STX8: variants seen among roughly 807,000 people sequenced by gnomAD.
STX8 encodes the protein syntaxin 8, also known as syntaxin-8.
STX8 carries 23 observed loss-of-function variants against 37.5 expected under a neutral mutation model. The observed-to-expected ratio is 0.61, with a 90% CI of 0.44 to 0.87. The LOEUF (loss-of-function observed/expected upper bound fraction) is 0.87. Ranked by LOEUF, STX8 falls within the 40% of genes least tolerant of loss-of-function variation. The pLI, the probability that STX8 is intolerant of heterozygous loss-of-function variation, is 0.00. For missense variants in STX8, 313 were observed against 284.7 expected (o/e 1.10, Z -0.71); for synonymous variants, 115 against 99.1 (o/e 1.16, Z -0.95).
intron 5 of STX8, among the ~76,000 whole-genome samples, chr17:9,499,021 C>T (rs1443477855): frequency 6.6e-6 from 1 of 152,202 alleles, no homozygotes; most frequent in Non-Finnish European, 1.5e-5. Context: ...TGAAGGGGCA[C>T]AGAAGCCAAA....
chr17:9,416,020 AC>A (rs1469986144), intron 6 of STX8, among the ~76,000 whole-genome samples: 1 of 151,860 alleles, frequency 6.6e-6, no homozygotes, highest in Non-Finnish European at 1.5e-5. Flanking sequence ...TTTATAATGA[AC>A]CCCACTTGGG....
intron 4 of STX8, among the ~76,000 whole-genome samples, chr17:9,542,549 C>T (rs1230790374): frequency 6.4e-5 from 9 of 139,732 alleles, no homozygotes; most frequent in African/African-American, 1.3e-4. Context: ...TGGTGGCGGG[C>T]GCCTGTAGTC....
At chr17:9,253,126 G>A (rs1043954640) in intron 7 of STX8, among the ~76,000 whole-genome samples, 4 of 151,928 alleles carry the variant, frequency 2.6e-5, no homozygotes, top group Admixed American at 2.6e-4. Flanking sequence ...ATTCAGCCCT[G>A]CATTAACATT....
intron 3 of STX8, among the ~76,000 whole-genome samples, chr17:9,551,832 C>T (rs1255653926): frequency 2.0e-5 from 3 of 151,758 alleles, no homozygotes; most frequent in South Asian, 2.1e-4. Flanking sequence ...GTTGTTCCCA[C>T]GATACCAATG....
At chr17:9,308,593 T>C (rs998407288) in intron 7 of STX8, among the ~76,000 whole-genome samples, 1 of 151,856 alleles carries the variant, frequency 6.6e-6, no homozygotes, top group Non-Finnish European at 1.5e-5. Context: ...CATGGTGGCG[T>C]ACGCCTGTAG....
intron 6 of STX8, among the ~76,000 whole-genome samples, chr17:9,464,062 A>G (rs1474505671): frequency 1.3e-5 from 2 of 152,202 alleles, no homozygotes; most frequent in Non-Finnish European, 2.9e-5. Flanking sequence ...GTAACAGAGC[A>G]AGACTGTCTC....
chr17:9,327,295 G>GA (rs763461230), intron 7 of STX8, among the ~76,000 whole-genome samples: 45 of 149,930 alleles, frequency 3.0e-4, no homozygotes, highest in Non-Finnish European at 5.2e-4. Flanking sequence ...GAAAGAAGAA[G>GA]AAGAAAGAAA....
chr17:9,478,325 G>A (rs1378156741), intron 6 of STX8, among the ~76,000 whole-genome samples: 9 of 152,042 alleles, frequency 5.9e-5, no homozygotes, highest in Non-Finnish European at 7.4e-5. Flanking sequence ...TAGTAGAGAC[G>A]GGGTTTCGCC....
chr17:9,546,612 TTTTG>T, intron 3 of STX8, among the ~76,000 whole-genome samples: 1 of 142,968 alleles, frequency 7.0e-6, no homozygotes, highest in African/African-American at 2.6e-5. Context: ...TTTTTTTTTT[TTTTG>T]GAGACGGAGC....
At chr17:9,412,982 G>C (rs1269880936) in intron 6 of STX8, among the ~76,000 whole-genome samples, 2 of 152,188 alleles carry the variant, frequency 1.3e-5, no homozygotes, top group African/African-American at 4.8e-5. Flanking sequence ...ATAGGACAAA[G>C]GGTGCCTATT....
chr17:9,575,284 G>C (rs746761194), intron 1 of STX8, among the ~76,000 whole-genome samples: 30 of 152,160 alleles, frequency 2.0e-4, no homozygotes, highest in Admixed American at 4.6e-4. Context: ...TCCCTCCCAG[G>C]TTCCTGTATC....
chr17:9,539,415 G>A (rs556281589), intron 4 of STX8, among the ~76,000 whole-genome samples: 3 of 152,300 alleles, frequency 2.0e-5, no homozygotes, highest in East Asian at 3.9e-4. Flanking sequence ...GTCCTGGTAG[G>A]GTAAACAGAT....
At chr17:9,506,352 T>C (rs183935016) in intron 4 of STX8, among the ~76,000 whole-genome samples, 174 of 143,664 alleles carry the variant, frequency 1.2e-3, no homozygotes, top group Non-Finnish European at 2.0e-3. Flanking sequence ...ATAGAATAAA[T>C]GATGGGTGGG....
chr17:9,264,959 T>C (rs1349541708), intron 7 of STX8, among the ~76,000 whole-genome samples: 1 of 150,840 alleles, frequency 6.6e-6, no homozygotes, highest in Non-Finnish European at 1.5e-5. Context: ...ACAAAAAAAA[T>C]AAGAATAAAA....
chr17:9,267,973 A>G (rs1907289532), intron 7 of STX8, among the ~76,000 whole-genome samples: 1 of 149,522 alleles, frequency 6.7e-6, no homozygotes, highest in South Asian at 2.1e-4. Context: ...CCTGGGGAAC[A>G]AGAGTGAAAC....
At chr17:9,363,293 G>T (rs1911126441) in intron 7 of STX8, among the ~76,000 whole-genome samples, 1 of 152,184 alleles carries the variant, frequency 6.6e-6, no homozygotes, top group African/African-American at 2.4e-5. Flanking sequence ...GGTAAATTCA[G>T]TCCCAACTAG....
At position 9,310,840 on chromosome 17, in the gene STX8, C is replaced by T. The variant is rs528794925; in HGVS notation, c.644-60195G>A. Reference sequence around the variant, plus strand: ...AGTCTAAATACTATACTAGACTTATCTTGGAAGACAGTAGAGAACACAATC... The same window carrying T: ...AGTCTAAATACTATACTAGACTTATTTTGGAAGACAGTAGAGAACACAATC... On this transcript the variant is annotated intron_variant, in intron 7 of 7. Transcript: ENST00000306357. Among the ~76,000 whole-genome samples, 39 of 152,268 alleles carry T rather than the reference C, an allele frequency of 2.6e-4. No homozygotes were observed. The South Asian group carries it at 5.8e-3, about 23-fold the overall frequency.
intron 7 of STX8, among the ~76,000 whole-genome samples, chr17:9,313,660 T>C (rs1909272444): frequency 6.6e-6 from 1 of 152,172 alleles, no homozygotes; most frequent in Non-Finnish European, 1.5e-5. Flanking sequence ...GAGTCTCGCT[T>C]CTGTCGCCCA....
chr17:9,524,663 C>T (rs1864088266), intron 4 of STX8, among the ~76,000 whole-genome samples: 1 of 152,184 alleles, frequency 6.6e-6, no homozygotes, highest in Non-Finnish European at 1.5e-5. Context: ...GCCTACATAG[C>T]CATCACTTCC....
Sources: allele counts gnomAD v4.1 joint callset (sites outside exome capture counted in the v4.1 genomes callset), GRCh38; gene constraint gnomAD v4.1.1; transcripts MANE v1.5; gene names NCBI Gene and HGNC (gene_info 2026-07-23, HGNC 2026-07-21).